The following DPRX variants were observed in gnomAD, a reference collection of about 807,000 sequenced individuals.
DPRX encodes divergent-paired related homeobox.
In DPRX, 11 loss-of-function variants were observed where a neutral mutation model predicts 8.4. The ratio of observed to expected loss-of-function variants is 1.31; its 90% CI spans 0.82 to 2.17. The LOEUF is 2.17. Ranked by LOEUF, DPRX falls within the 30% of genes most tolerant of loss-of-function variation. DPRX has a pLI of 0.00. For synonymous variants in DPRX, 72 were observed against 87.0 expected (o/e 0.83, Z 0.96); for missense variants, 211 against 236.7 (o/e 0.89, Z 0.71).
the DPRX span, among the ~76,000 whole-genome samples, chr19:53,623,697 A>G: frequency 1.3e-5 from 2 of 151,916 alleles, no homozygotes; most frequent in African/African-American, 4.8e-5. Flanking sequence ...TAATCCCAAC[A>G]CTTTGGGATT....
intron 1 of DPRX, among the ~76,000 whole-genome samples, chr19:53,633,755 G>C (rs190899920): frequency 6.6e-6 from 1 of 152,040 alleles, no homozygotes; most frequent in Non-Finnish European, 1.5e-5. Context: ...TGATCCGCCC[G>C]CCTTGGCCTC....
At chr19:53,620,349 G>A in the DPRX span, among the ~76,000 whole-genome samples, 1 of 151,782 alleles carries the variant, frequency 6.6e-6, no homozygotes, top group Non-Finnish European at 1.5e-5. Context: ...CATTACAGGT[G>A]TGAGCCACCG....
At chr19:53,616,955 A>G in the DPRX span, 9 of 1,272,604 alleles carry the variant, frequency 7.1e-6, no homozygotes, top group African/African-American at 1.5e-5. Context: ...ATCGTTTATG[A>G]TGTTACGGTT....
upstream of DPRX, among the ~76,000 whole-genome samples, chr19:53,627,769 G>T (rs1296384671): frequency 6.7e-6 from 1 of 149,614 alleles, no homozygotes; most frequent in African/African-American, 2.4e-5. Context: ...AAAAGTTTTT[G>T]TCTGGGTGTG....
At chr19:53,609,717 TTGGC>T in the DPRX span, among the ~76,000 whole-genome samples, 1 of 144,192 alleles carries the variant, frequency 6.9e-6, no homozygotes, top group East Asian at 2.1e-4. Context: ...AATCCAAAAA[TTGGC>T]TGGGCATAAT....
Position 53,632,551 on chromosome 19 carries a change from C to T in DPRX, c.28+417C>T, listed in dbSNP as rs541898137. On this transcript the variant is annotated intron_variant, in intron 1 of 2. Transcript: ENST00000376650. ...GTCTCGAACTCCTGACCTTGTGATC[C>T]GTCTGGCTCAGCCTCCCAAAGTGCT... is the stretch of plus-strand genomic sequence containing the variant. 6.5e-4 allele frequency among the ~76,000 whole-genome samples: 99 copies of T among 152,036 alleles called. 1 individual carries two copies. The highest frequency in any genetic ancestry group is 2.2e-3 in the Admixed American group (33 of 15,246).
the DPRX span, among the ~76,000 whole-genome samples, chr19:53,613,621 A>C: frequency 1.3e-5 from 2 of 151,538 alleles, no homozygotes; most frequent in African/African-American, 4.8e-5. Context: ...CGGCCTCCCA[A>C]AGTGCTGGGA....
At chr19:53,624,038 T>C in the DPRX span, among the ~76,000 whole-genome samples, 1 of 151,184 alleles carries the variant, frequency 6.6e-6, no homozygotes, top group Non-Finnish European at 1.5e-5. Flanking sequence ...AAATATGCGA[T>C]GTAAAGAGTG....
intron 1 of DPRX, among the ~76,000 whole-genome samples, chr19:53,632,467 AT>A (rs35312439): frequency 0.49 from 72,624 of 148,124 alleles, 17,645 homozygotes; most frequent in Middle Eastern, 0.58. Context: ...CACCTGGCTA[AT>A]TTTTTTTTTT....
the DPRX span, among the ~76,000 whole-genome samples, chr19:53,609,496 A>C: frequency 1.8e-5 from 2 of 109,476 alleles, no homozygotes; most frequent in African/African-American, 6.9e-5. Context: ...AAAAAAAAAA[A>C]ACAACCAAAC....
chr19:53,615,044 C>T, the DPRX span, among the ~76,000 whole-genome samples: 1 of 151,626 alleles, frequency 6.6e-6, no homozygotes, highest in Non-Finnish European at 1.5e-5. Flanking sequence ...TTACTTTGTT[C>T]TGTTGATCTA....
At chr19:53,602,008 G>A in the DPRX span, 3 of 456,280 alleles carry the variant, frequency 6.6e-6, no homozygotes, top group Non-Finnish European at 1.3e-5. Context: ...TTGAAGTAAA[G>A]AGGAGTGTTG....
the DPRX span, among the ~76,000 whole-genome samples, chr19:53,602,769 G>A: frequency 6.0e-5 from 9 of 151,016 alleles, no homozygotes; most frequent in African/African-American, 2.2e-4. Context: ...TCCTGACCTT[G>A]TGATCCACTC....
At chr19:53,631,815 G>A (rs191640184), upstream of DPRX, among the ~76,000 whole-genome samples, 7 of 152,170 alleles carry the variant, frequency 4.6e-5, no homozygotes, top group Non-Finnish European at 8.8e-5. Context: ...AGTCTGGAGT[G>A]GGCCAGGATT....
the DPRX span, among the ~76,000 whole-genome samples, chr19:53,613,486 T>A: frequency 5.9e-5 from 9 of 151,704 alleles, no homozygotes; most frequent in Non-Finnish European, 1.3e-4. Context: ...TATCTGGAAT[T>A]ACGGGTGCGT....
At chr19:53,608,430 C>T in the DPRX span, 1 of 152,452 alleles carries the variant, frequency 6.6e-6, no homozygotes, top group Non-Finnish European at 1.5e-5. Context: ...GACTCCCGAG[C>T]TCCCAGAGCC....
the DPRX span, chr19:53,616,748 C>G: frequency 1.4e-6 from 2 of 1,423,522 alleles, no homozygotes; most frequent in Non-Finnish European, 1.9e-6. Flanking sequence ...GAGCGAAACT[C>G]TGTCTCAAAA....
chr19:53,611,264 T>C, the DPRX span, among the ~76,000 whole-genome samples: 1 of 152,182 alleles, frequency 6.6e-6, no homozygotes, highest in African/African-American at 2.4e-5. Flanking sequence ...GCTCTCATGA[T>C]AATTTTTTTA....
chr19:53,612,102 G>T, the DPRX span, among the ~76,000 whole-genome samples: 2 of 151,394 alleles, frequency 1.3e-5, no homozygotes, highest in African/African-American at 4.8e-5. Context: ...AAGTAAGCTG[G>T]GTGGTGCAGT....
Sources: gnomAD v4.1 joint callset for allele counts (sites outside exome capture counted in the v4.1 genomes callset) on GRCh38, gnomAD v4.1.1 for gene constraint, MANE v1.5 for transcripts, NCBI Gene and HGNC (gene_info 2026-07-23, HGNC 2026-07-21) for gene names.